CASZ1: variants seen among roughly 807,000 people sequenced by gnomAD.
The protein encoded by CASZ1 is zinc finger protein castor homolog 1.
A neutral mutation model predicts 135.2 loss-of-function variants in CASZ1; 28 were observed. The ratio of observed to expected loss-of-function variants is 0.21; its 90% CI spans 0.15 to 0.28. The LOEUF is 0.28. Among genes scored for constraint, CASZ1 ranks in the 10% least tolerant of loss-of-function variants. The pLI is 1.00. For synonymous variants in CASZ1, 1,068 were observed against 1,073.4 expected (o/e 0.99, Z 0.10); for missense variants, 2,161 against 2,453.3 (o/e 0.88, Z 2.52).
At chr1:10,732,861 G>C (rs750522327) in intron 2 of CASZ1, among the ~76,000 whole-genome samples, 1 of 152,112 alleles carries the variant, frequency 6.6e-6, no homozygotes, top group African/African-American at 2.4e-5. Flanking sequence ...ATTTAGAGCC[G>C]AACAGGGAGT....
At position 10,650,791 on chromosome 1, in the gene CASZ1, G is replaced by A. The variant is rs575203057; in HGVS notation, c.2817-36C>T. On this transcript the variant is annotated intron_variant, in intron 12 of 20. Transcript: ENST00000377022. ...CAAACCAAGGGACTTGAGCTCAGACGGCCGGGGCCTGGGCCCTGGGGCTCA... is the reference window on the plus strand; with the variant it reads ...CAAACCAAGGGACTTGAGCTCAGACAGCCGGGGCCTGGGCCCTGGGGCTCA... 188 of 1,594,702 alleles carry A rather than the reference G, an allele frequency of 1.2e-4. 1 individual carries two copies. The highest frequency in any genetic ancestry group is 1.5e-4 in the Non-Finnish European group (178 of 1,173,862).
rs1487009679 is a variant in CASZ1 at position 10,724,394 on chromosome 1, G to T, written c.-76-18850C>A. 6.6e-6 allele frequency among the ~76,000 whole-genome samples: 1 copy of T among 152,238 alleles called. No individual in the cohort carries two copies. Among genetic ancestry groups the T allele is most frequent in the Non-Finnish European group, 1.5e-5 (1 of 68,048 alleles). On this transcript the variant is annotated intron_variant, in intron 2 of 20. Transcript: ENST00000377022. The surrounding 1 kb of genome is among the most constrained non-coding windows in gnomAD (Gnocchi z 4.1). The stretch of plus-strand genomic sequence containing the variant: ...GCACCGAGTGTTTGCTTATTTACAA[G>T]GCTGTTTTAAAGGGTAGAAAGCAAA...
Position 10,665,326 on chromosome 1 carries a change from T to C in CASZ1, c.262A>G (p.Ile88Val), listed in dbSNP as rs1206651825. Reference sequence around the variant, plus strand: ...TACTCCCCGTTCACCCACTTCTCGATCACTGCCCGTCTCTTGTCTTCCTCG... The same window carrying C: ...TACTCCCCGTTCACCCACTTCTCGACCACTGCCCGTCTCTTGTCTTCCTCG... ...RSEEDKRRAV[I>V]EKWVNGEYSE... Residue 88 changes from isoleucine (I) to valine (V), a missense_variant, in exon 5 of 21, where the codon ATC becomes GTC. Around this residue, in one of 7 missense-constraint regions of CASZ1, gnomAD observed 590 missense variants for 609.8 expected, o/e 0.97. Coordinates refer to ENST00000377022, the MANE Select transcript of CASZ1 (RefSeq NM_001079843.3). 6.2e-7 allele frequency: 1 copy of C among 1,612,538 alleles called. No homozygotes were observed. The highest frequency in any genetic ancestry group is 8.5e-7 in the Non-Finnish European group (1 of 1,178,956).
intron 2 of CASZ1, among the ~76,000 whole-genome samples, chr1:10,737,719 C>T (rs61777969): frequency 0.026 from 3,929 of 152,238 alleles, 132 homozygotes; most frequent in East Asian, 0.12. Flanking sequence ...ACAGGCCACC[C>T]GGGCCTCCCA....
Position 10,739,094 on chromosome 1 carries a change from G to A in CASZ1, c.-77+21607C>T, listed in dbSNP as rs558196293. Among the ~76,000 whole-genome samples the A allele has an allele frequency of 6.6e-6, 1 of 152,008 alleles. No individual in the cohort carries two copies. Among genetic ancestry groups the A allele is most frequent in the African/African-American group, 2.4e-5 (1 of 41,372 alleles). On this transcript the variant is annotated intron_variant, in intron 2 of 20. Transcript: ENST00000377022. This position sits in a 1 kb window ranked among gnomAD's most constrained non-coding sequence, Gnocchi z 4.8. ...GTTCTTTTTTAAAATTTTGCTGGGG[G>A]TCCGGGGGAAGAAGGAAAAAAAGCA...
In CASZ1 at chr1:10,679,404, C is replaced by T. The variant is rs992295276; in HGVS notation, c.17-13833G>A. Among the ~76,000 whole-genome samples, 21 of 152,174 alleles carry T rather than the reference C, an allele frequency of 1.4e-4. No individual in the cohort carries two copies. Among genetic ancestry groups the T allele is most frequent in the Admixed American group, 9.8e-4 (15 of 15,284 alleles). The stretch of plus-strand genomic sequence containing the variant: ...TGTCAGAATAGACCCCTGGAGCCAA[C>T]GCCACCCAGGGCTCCCTCTGCCGAT... On this transcript the variant is annotated intron_variant, in intron 4 of 20. Transcript: ENST00000377022. This position sits in a 1 kb window ranked among gnomAD's most constrained non-coding sequence, Gnocchi z 4.7.
intron 3 of CASZ1, among the ~76,000 whole-genome samples, chr1:10,702,894 A>T (rs1358659689): frequency 6.6e-6 from 1 of 152,064 alleles, no homozygotes; most frequent in East Asian, 1.9e-4. Context: ...GGTTAATGCA[A>T]TCAATTAGGG....
In CASZ1 at chr1:10,645,045, G is replaced by C. The variant is rs4845839; in HGVS notation, c.3740C>G (p.Thr1247Ser). Residue 1247 changes from threonine (T) to serine (S), a missense_variant, in exon 18 of 21, where the codon ACC (threonine) becomes AGC (serine). Thr to Ser is a moderately conservative substitution (Grantham distance 58). Coordinates refer to ENST00000377022, the MANE Select transcript of CASZ1 (RefSeq NM_001079843.3). ...RMRGHYHCLR[T>S]GCYFVTNITT... is the part of the protein sequence containing the mutation. ...GATGTTGGTCACAAAATAGCAGCCG[G>C]TGCGGAGGCAGTGGTAGTGCCCACG... The C allele has an allele frequency of 8.8e-5, 142 of 1,613,966 alleles. 1 individual carries two copies. In the Admixed American group the frequency reaches 2.2e-3, roughly 25 times the overall value.
chr1:10,668,015 GC>G (rs1643289174), intron 4 of CASZ1, among the ~76,000 whole-genome samples: 1 of 152,178 alleles, frequency 6.6e-6, no homozygotes, highest in African/African-American at 2.4e-5. Flanking sequence ...CGCTGCCCCA[GC>G]CCACCTGCCT....
intron 4 of CASZ1, among the ~76,000 whole-genome samples, chr1:10,680,409 C>T (rs1638376943): frequency 6.6e-6 from 1 of 152,136 alleles, no homozygotes; most frequent in African/African-American, 2.4e-5. Flanking sequence ...CCTCATTAGT[C>T]CTGCTCTAAA....
At chr1:10,733,063 T>C (rs1170536843) in intron 2 of CASZ1, among the ~76,000 whole-genome samples, 1 of 152,110 alleles carries the variant, frequency 6.6e-6, no homozygotes, top group Non-Finnish European at 1.5e-5. Context: ...AGCAGAGATG[T>C]GGAATTTTCC....
chr1:10,678,108 G>T (rs990149778), intron 4 of CASZ1, among the ~76,000 whole-genome samples: 3 of 152,210 alleles, frequency 2.0e-5, no homozygotes, highest in Non-Finnish European at 2.9e-5. Context: ...GCCTGGACTA[G>T]AGAGGCCCCG....
At chr1:10,715,615 C>T (rs372285404) in intron 2 of CASZ1, among the ~76,000 whole-genome samples, 21 of 146,222 alleles carry the variant, frequency 1.4e-4, no homozygotes, top group Admixed American at 2.0e-4. Flanking sequence ...GCACCCAATC[C>T]GCTCCCCACA....
At chr1:10,769,135 G>A (rs1018211606) in intron 1 of CASZ1, among the ~76,000 whole-genome samples, 2 of 152,072 alleles carry the variant, frequency 1.3e-5, no homozygotes, top group Non-Finnish European at 2.9e-5. Context: ...GCAAGCCTCC[G>A]TCTCAAAAAA....
In CASZ1 at chr1:10,643,144, T is replaced by C; in HGVS notation, c.4020+16A>G. ...CCGCCACCCTGGCTGGGCTCTCACC[T>C]GGGGGGGGCTCTCACCTGGGAGGGG... On this transcript the variant is annotated intron_variant, in intron 19 of 20. Coordinates refer to ENST00000377022, the MANE Select transcript of CASZ1 (RefSeq NM_001079843.3). 6.3e-7 allele frequency: 1 copy of C among 1,589,324 alleles called. No homozygotes were observed. The highest frequency in any genetic ancestry group is 8.6e-7 in the Non-Finnish European group (1 of 1,167,220).
chr1:10,672,241 A>G (rs955145911), intron 4 of CASZ1, among the ~76,000 whole-genome samples: 1 of 106,184 alleles, frequency 9.4e-6, no homozygotes, highest in Non-Finnish European at 1.8e-5. Context: ...TCCGCACTAT[A>G]AAAACACAAA....
intron 1 of CASZ1, among the ~76,000 whole-genome samples, chr1:10,770,328 G>C (rs1640552513): frequency 6.6e-6 from 1 of 152,140 alleles, no homozygotes; most frequent in Non-Finnish European, 1.5e-5. Context: ...CAAGTGGTCT[G>C]TCTGCTTCAG....
intron 1 of CASZ1, among the ~76,000 whole-genome samples, chr1:10,773,303 C>T (rs559670492): frequency 3.8e-4 from 58 of 152,186 alleles, no homozygotes; most frequent in African/African-American, 1.3e-3. Context: ...ACCATCCCCA[C>T]ACTCCGTTAG....
chr1:10,671,996 G>C (rs530984425), intron 4 of CASZ1, among the ~76,000 whole-genome samples: 35 of 152,318 alleles, frequency 2.3e-4, no homozygotes, highest in African/African-American at 8.4e-4. Flanking sequence ...AGAGACCGGA[G>C]TGGGAGAGGC....
Sources: allele counts gnomAD v4.1 joint callset (sites outside exome capture counted in the v4.1 genomes callset), GRCh38; gene constraint gnomAD v4.1.1; regional missense constraint gnomAD v4.1.1; non-coding constraint Gnocchi (gnomAD v3.1); transcripts MANE v1.5; gene names NCBI Gene and HGNC (gene_info 2026-07-23, HGNC 2026-07-21).